The following KPNA1 variants were observed in gnomAD, a reference collection of about 807,000 sequenced individuals.
KPNA1 encodes importin subunit alpha-5.
A neutral mutation model predicts 70.5 loss-of-function variants in KPNA1; 10 were observed. That is an observed-to-expected ratio of 0.14 (90% CI 0.09 to 0.24). KPNA1 has a LOEUF of 0.24. Ranked by LOEUF, KPNA1 falls within the 10% of genes least tolerant of loss-of-function variation. The pLI is 1.00. For synonymous variants in KPNA1, 192 were observed against 221.9 expected (o/e 0.87, Z 1.20); for missense variants, 397 against 637.9 (o/e 0.62, Z 4.07).
At chr3:122,478,751 C>G (rs918080035) in intron 2 of KPNA1, among the ~76,000 whole-genome samples, 1 of 148,874 alleles carries the variant, frequency 6.7e-6, no homozygotes, top group African/African-American at 2.5e-5. Flanking sequence ...AAAAATTAGC[C>G]AGGCATGATA....
At chr3:122,466,619 C>T (rs1158258135) in intron 3 of KPNA1, among the ~76,000 whole-genome samples, 2 of 152,098 alleles carry the variant, frequency 1.3e-5, no homozygotes, top group African/African-American at 4.8e-5. Flanking sequence ...TGGTTTACAA[C>T]AGAAAAATCC....
chr3:122,496,281 C>A (rs1185390155), intron 2 of KPNA1, among the ~76,000 whole-genome samples, 156 bp downstream of exon 2: 1 of 150,616 alleles, frequency 6.6e-6, no homozygotes, highest in African/African-American at 2.4e-5. Context: ...CTCATCCCCA[C>A]TCCAAAAAAG....
chr3:122,441,804 T>C (rs967384500), intron 10 of KPNA1, among the ~76,000 whole-genome samples: 2 of 152,188 alleles, frequency 1.3e-5, no homozygotes, highest in African/African-American at 4.8e-5. Context: ...TTTCACCATG[T>C]TGCCCAGGCT....
intron 12 of KPNA1, among the ~76,000 whole-genome samples, chr3:122,428,505 A>G (rs368129469): frequency 5.3e-5 from 8 of 152,196 alleles, no homozygotes; most frequent in East Asian, 1.9e-4. Flanking sequence ...CAAACAAGAA[A>G]AAAGGAGAAA....
intron 12 of KPNA1, among the ~76,000 whole-genome samples, chr3:122,428,406 C>G (rs2075852113): frequency 6.6e-6 from 1 of 152,156 alleles, no homozygotes; most frequent in Non-Finnish European, 1.5e-5. Context: ...TTGAAACTTA[C>G]TGCTAGTGCT....
chr3:122,478,160 C>CAAAAA (rs566764177), intron 2 of KPNA1, among the ~76,000 whole-genome samples: 2 of 75,524 alleles, frequency 2.6e-5, no homozygotes, highest in South Asian at 4.5e-4. Flanking sequence ...GATGCTGTCT[C>CAAAAA]AAAAAAAAAA....
At chr3:122,494,236 T>C (rs2076732204) in intron 2 of KPNA1, among the ~76,000 whole-genome samples, 1 of 152,224 alleles carries the variant, frequency 6.6e-6, no homozygotes, top group South Asian at 2.1e-4. Context: ...AGAAGAGTTT[T>C]TCCCAGGTTT....
chr3:122,461,789 A>C (rs1298663416), intron 4 of KPNA1, among the ~76,000 whole-genome samples: 1 of 152,238 alleles, frequency 6.6e-6, no homozygotes, highest in Non-Finnish European at 1.5e-5. Flanking sequence ...AGAATTCACG[A>C]AGATTGACTT....
chr3:122,465,192 T>C (rs749086528), intron 3 of KPNA1, among the ~76,000 whole-genome samples: 5 of 152,208 alleles, frequency 3.3e-5, no homozygotes, highest in Non-Finnish European at 7.3e-5. Flanking sequence ...AGATTTTGCA[T>C]CCTCTTCCGC....
chr3:122,505,559 T>C (rs2076881662), intron 1 of KPNA1, among the ~76,000 whole-genome samples: 1 of 152,198 alleles, frequency 6.6e-6, no homozygotes, highest in Non-Finnish European at 1.5e-5. Context: ...AAGTTACTTT[T>C]CAAAGTACCC....
chr3:122,422,668 TAA>T lies in KPNA1; in HGVS notation c.*4315_*4316del, dbSNP rs1329468034. The T allele has an allele frequency of 1.3e-5, 2 of 152,262 alleles. No homozygotes were observed. Among genetic ancestry groups the T allele is most frequent in the Admixed American group, 6.5e-5 (1 of 15,282 alleles). The allele number at this position is 152,262 out of a possible 1,614,324, so 9.4% of individuals were successfully genotyped here. A position where few individuals can be genotyped will look rare whatever the true frequency, so the allele number is the denominator to read the frequency against. On this transcript the variant is annotated 3_prime_UTR_variant, in exon 14 of 14. Transcript: ENST00000344337. ...TCTTCCCCGCCCTTGGACAGCCATC[TAA>T]GTGTTGTAACCTTGGGGCAAAGTAA...
chr3:122,480,371 G>A (rs1004254636), intron 2 of KPNA1, among the ~76,000 whole-genome samples: 2 of 152,086 alleles, frequency 1.3e-5, no homozygotes, highest in African/African-American at 4.8e-5. Context: ...CTATGCATGT[G>A]TGGGGGCAGA....
intron 2 of KPNA1, among the ~76,000 whole-genome samples, chr3:122,475,400 G>A (rs1181987889): frequency 6.6e-6 from 1 of 152,102 alleles, no homozygotes; most frequent in Non-Finnish European, 1.5e-5. Context: ...TGAATTAGAA[G>A]AACAGTATTA....
chr3:122,435,919 A>AT (rs1355561838), intron 11 of KPNA1, among the ~76,000 whole-genome samples: 1 of 152,218 alleles, frequency 6.6e-6, no homozygotes, highest in African/African-American at 2.4e-5. Flanking sequence ...AAAGAAGAGG[A>AT]TAACAGCGAT....
At chr3:122,427,347 C>T in intron 13 of KPNA1, 175 bp from the exon 14 acceptor site, 1 of 725,588 alleles carries the variant, frequency 1.4e-6, no homozygotes, top group South Asian at 1.9e-5. Context: ...GCTGGGATTA[C>T]ATCTGAAAGC....
At chr3:122,429,805 A>G (rs1418144929) in intron 12 of KPNA1, among the ~76,000 whole-genome samples, 1 of 152,212 alleles carries the variant, frequency 6.6e-6, no homozygotes, top group Non-Finnish European at 1.5e-5. Context: ...TAATCTAATC[A>G]AGACAGTGTG....
rs1328656649 is a variant in KPNA1 at position 122,425,410 on chromosome 3, A to T, written c.*1575T>A. The stretch of plus-strand genomic sequence containing the variant: ...AATTCTAGAAGAGGACAAGTCTAAA[A>T]AGGTTTAAAAGGGTATGCTCTGAAA... On this transcript the variant is annotated 3_prime_UTR_variant, in exon 14 of 14. Coordinates refer to ENST00000344337, the MANE Select transcript of KPNA1 (RefSeq NM_002264.4). 6.6e-6 allele frequency: 1 copy of T among 152,642 alleles called. No individual in the cohort carries two copies. The highest frequency in any genetic ancestry group is 6.5e-5 in the Admixed American group (1 of 15,276). 9.5% of individuals were successfully genotyped at this position (152,642 alleles called of 1,614,324 possible).
chr3:122,445,062 T>C (rs539404701), intron 9 of KPNA1, among the ~76,000 whole-genome samples: 13 of 152,222 alleles, frequency 8.5e-5, no homozygotes, highest in Non-Finnish European at 1.2e-4. Flanking sequence ...CTTTGACGAG[T>C]TGACAGAAGT....
chr3:122,488,660 G>A (rs895469644), intron 2 of KPNA1, among the ~76,000 whole-genome samples: 3 of 152,222 alleles, frequency 2.0e-5, no homozygotes, highest in African/African-American at 7.2e-5. Context: ...GTCTGGGGGT[G>A]AAGAATTCTT....
Sources: gnomAD v4.1 joint callset for allele counts (sites outside exome capture counted in the v4.1 genomes callset) on GRCh38, gnomAD v4.1.1 for gene constraint, MANE v1.5 for transcripts, NCBI Gene and HGNC (gene_info 2026-07-23, HGNC 2026-07-21) for gene names.